Variants in ZNRF2 observed in about 807,000 individuals in gnomAD.
The protein encoded by ZNRF2 is E3 ubiquitin-protein ligase ZNRF2.
A neutral mutation model predicts 20.4 loss-of-function variants in ZNRF2; 16 were observed. The ratio of observed to expected loss-of-function variants is 0.79; its 90% CI spans 0.53 to 1.19. The LOEUF (loss-of-function observed/expected upper bound fraction) is 1.19. Among genes scored for constraint, ZNRF2 ranks in the 50% most tolerant of loss-of-function variants. The probability of loss-of-function intolerance (pLI) is 0.00; values close to 1 mark genes in which losing one functional copy is unlikely to be tolerated. For synonymous variants in ZNRF2, 178 were observed against 144.9 expected, an observed-to-expected ratio of 1.23 and a Z score of -1.64; for missense variants, 363 against 332.4, an observed-to-expected ratio of 1.09 and a Z score of -0.72.
chr7:30,302,575 G>A (rs969907607), intron 1 of ZNRF2, among the ~76,000 whole-genome samples: 2 of 151,514 alleles, frequency 1.3e-5, no homozygotes, highest in Admixed American at 6.6e-5. Context: ...TACCAAATTA[G>A]TGTATATATG....
chr7:30,338,476 C>T (rs1229682023), intron 2 of ZNRF2, among the ~76,000 whole-genome samples: 1 of 132,288 alleles, frequency 7.6e-6, no homozygotes, highest in Non-Finnish European at 1.6e-5. Context: ...CTCCCTGTGT[C>T]CATGTGTTCT....
chr7:30,330,187 G>A (rs749653486), intron 2 of ZNRF2, among the ~76,000 whole-genome samples: 3 of 152,078 alleles, frequency 2.0e-5, no homozygotes, highest in Non-Finnish European at 4.4e-5. Flanking sequence ...TTTACTTGTG[G>A]TTGGTACTAT....
chr7:30,285,828 T>C lies in ZNRF2; in HGVS notation c.469+2T>C. On this transcript the variant is annotated splice_donor_variant, in intron 1 of 4. Coordinates refer to ENST00000323037, the MANE Select transcript of ZNRF2 (RefSeq NM_147128.4). LOFTEE classifies it high-confidence loss of function. ...ACCTCTCGCCGCACATGTTTGGAGG[T>C]ACGGACCCCTCTCCGCGCACCCGCG... 6.7e-7 allele frequency: 1 copy of C among 1,502,844 alleles called. No homozygotes were observed. The highest frequency in any genetic ancestry group is 1.3e-5 in the South Asian group (1 of 76,482). 93.1% of individuals were successfully genotyped at this position (1,502,844 alleles called of 1,614,324 possible).
chr7:30,344,320 T>C (rs187098194), intron 2 of ZNRF2, among the ~76,000 whole-genome samples: 5 of 152,134 alleles, frequency 3.3e-5, no homozygotes, highest in Non-Finnish European at 7.4e-5. Context: ...TTCTTATAAC[T>C]GTATTTCTGT....
At chr7:30,328,421 C>A (rs1799585648) in intron 2 of ZNRF2, among the ~76,000 whole-genome samples, 1 of 152,156 alleles carries the variant, frequency 6.6e-6, no homozygotes, top group Non-Finnish European at 1.5e-5. Flanking sequence ...ATTTAACTTA[C>A]ACTTTTGCAG....
intron 2 of ZNRF2, among the ~76,000 whole-genome samples, chr7:30,343,935 T>TA (rs1554296576): frequency 1.3e-3 from 185 of 145,634 alleles, no homozygotes; most frequent in African/African-American, 4.1e-3. Flanking sequence ...TTTTTTTTTT[T>TA]AATAGACCGA....
intron 4 of ZNRF2, among the ~76,000 whole-genome samples, chr7:30,363,547 A>C (rs1469101027): frequency 1.3e-5 from 2 of 152,208 alleles, no homozygotes; most frequent in Non-Finnish European, 2.9e-5. Context: ...CAGTCGCATC[A>C]TAAATTTATT....
chr7:30,288,132 T>G (rs1362923970), intron 1 of ZNRF2, among the ~76,000 whole-genome samples: 2 of 152,190 alleles, frequency 1.3e-5, no homozygotes, highest in Non-Finnish European at 2.9e-5. Flanking sequence ...ATCTTGAGAT[T>G]TAGGGAGCTA....
At chr7:30,333,054 C>CTT (rs1259371701) in intron 2 of ZNRF2, among the ~76,000 whole-genome samples, 11 of 139,034 alleles carry the variant, frequency 7.9e-5, no homozygotes, top group Non-Finnish European at 7.9e-5. Context: ...TATATTTTGA[C>CTT]TTTTTTTTTT....
intron 1 of ZNRF2, among the ~76,000 whole-genome samples, chr7:30,300,348 C>G (rs1335423783): frequency 6.8e-6 from 1 of 146,324 alleles, no homozygotes; most frequent in African/African-American, 2.5e-5. Context: ...AGGGTTTCAC[C>G]ATGTTGGCCA....
At chr7:30,309,804 G>A (rs925730448) in intron 1 of ZNRF2, among the ~76,000 whole-genome samples, 2 of 152,100 alleles carry the variant, frequency 1.3e-5, no homozygotes, top group Non-Finnish European at 2.9e-5. Context: ...TAGATATGTA[G>A]CATGTAATAT....
intron 1 of ZNRF2, among the ~76,000 whole-genome samples, chr7:30,291,305 CA>C: frequency 6.6e-6 from 1 of 152,282 alleles, no homozygotes; most frequent in African/African-American, 2.4e-5. Context: ...AGTTTGAAAG[CA>C]GGGGGAGTAT....
At chr7:30,361,699 G>A (rs115917840) in intron 3 of ZNRF2, among the ~76,000 whole-genome samples, 2,590 of 152,254 alleles carry the variant, frequency 0.017, 75 homozygotes, top group African/African-American at 0.059. Context: ...TGTGGCTAGT[G>A]TGACTGAGGA....
At chr7:30,326,238 A>G (rs1463060928) in intron 2 of ZNRF2, among the ~76,000 whole-genome samples, 2 of 152,138 alleles carry the variant, frequency 1.3e-5, no homozygotes, top group South Asian at 2.1e-4. Flanking sequence ...TTACTCAGGT[A>G]TTAAGCCTAG....
At chr7:30,335,804 G>T (rs1274320893) in intron 2 of ZNRF2, among the ~76,000 whole-genome samples, 6 of 152,138 alleles carry the variant, frequency 3.9e-5, no homozygotes, top group Non-Finnish European at 8.8e-5. Context: ...GTATGCAAAA[G>T]TATTTGTAAG....
rs1338521663 is a variant in ZNRF2, at chr7:30,367,294, A to C, written c.*1282A>C. ...CAAAATTATGTTAATAAATATTCCC[A>C]CATAATACATCTGAATGGTTAAAAA... On this transcript the variant is annotated 3_prime_UTR_variant, in exon 5 of 5. Coordinates refer to ENST00000323037, the MANE Select transcript of ZNRF2 (RefSeq NM_147128.4). 2.6e-5 allele frequency: 4 copies of C among 152,634 alleles called. No individual in the cohort carries two copies. The highest frequency in any genetic ancestry group is 1.3e-4 in the Admixed American group (2 of 15,282). 9.5% of individuals were successfully genotyped at this position (152,634 alleles called of 1,614,324 possible). A position where few individuals can be genotyped will look rare whatever the true frequency, so the allele number is the denominator to read the frequency against.
At chr7:30,295,507 C>A (rs543516311) in intron 1 of ZNRF2, among the ~76,000 whole-genome samples, 6 of 152,064 alleles carry the variant, frequency 3.9e-5, no homozygotes, top group Non-Finnish European at 7.4e-5. Flanking sequence ...CTCGGGAGTT[C>A]GAGGCCAGCC....
intron 1 of ZNRF2, among the ~76,000 whole-genome samples, chr7:30,306,121 AT>A (rs1399567346): frequency 6.6e-6 from 1 of 152,194 alleles, no homozygotes; most frequent in East Asian, 1.9e-4. Flanking sequence ...ATAATGTAGC[AT>A]TTAGCAAAGT....
At chr7:30,319,536 C>T (rs780060467) in intron 1 of ZNRF2, among the ~76,000 whole-genome samples, 1 of 152,046 alleles carries the variant, frequency 6.6e-6, no homozygotes, top group Non-Finnish European at 1.5e-5. Context: ...TGTATTTTCA[C>T]CTGACTATTA....
Sources: gnomAD v4.1 joint callset for allele counts (sites outside exome capture counted in the v4.1 genomes callset) on GRCh38, gnomAD v4.1.1 for gene constraint, MANE v1.5 for transcripts, NCBI Gene and HGNC (gene_info 2026-07-23, HGNC 2026-07-21) for gene names.